KLC1: variants seen among roughly 807,000 people sequenced by gnomAD.
KLC1 encodes kinesin light chain 1.
A neutral mutation model predicts 84.2 loss-of-function variants in KLC1; 30 were observed. The ratio of observed to expected loss-of-function variants is 0.36; its 90% CI spans 0.27 to 0.48. The LOEUF (loss-of-function observed/expected upper bound fraction) is 0.48, where lower values mean the gene tolerates loss of function less well. Among genes scored for constraint, KLC1 ranks in the 20% least tolerant of loss-of-function variants. The probability of loss-of-function intolerance (pLI) is 0.99; values close to 1 mark genes in which losing one functional copy is unlikely to be tolerated. For missense variants in KLC1, 499 were observed against 805.4 expected (o/e 0.62, Z 4.60); for synonymous variants, 289 against 293.3 (o/e 0.99, Z 0.15).
At chr14:103,653,800 A>C (rs2078645509) in intron 1 of KLC1, among the ~76,000 whole-genome samples, 1 of 152,356 alleles carries the variant, frequency 6.6e-6, no homozygotes, top group Non-Finnish European at 1.5e-5. Context: ...TTTAAACTTA[A>C]CTATGGGTTT....
chr14:103,690,602 G>C lies in KLC1; in HGVS notation c.1782-1757G>C, dbSNP rs533063426. ...CTCAGCCTCACAGCCACCGTCCTTG[G>C]CTTTCCCAGGAACTGCTGCGCTCAT... On this transcript the variant is annotated intron_variant, in intron 14 of 16. Transcript: ENST00000334553. 4.7e-5 allele frequency among the ~76,000 whole-genome samples: 7 copies of C among 148,446 alleles called. No homozygotes were observed. The East Asian group carries it at 1.4e-3, about 30-fold the overall frequency.
At chr14:103,674,144 C>T (rs928759788) in intron 9 of KLC1, among the ~76,000 whole-genome samples, 2 of 152,172 alleles carry the variant, frequency 1.3e-5, no homozygotes, top group Non-Finnish European at 2.9e-5. Context: ...ACAGGAGAAT[C>T]ACCCAAATTC....
chr14:103,696,416 T>G, intron 15 of KLC1: 1 of 985,288 alleles, frequency 1.0e-6, no homozygotes, highest in Non-Finnish European at 1.2e-6. Context: ...AGGAGTATCA[T>G]GTACTTAGAA....
intron 5 of KLC1, among the ~76,000 whole-genome samples, chr14:103,666,564 CA>C (rs1425458884): frequency 6.6e-6 from 1 of 151,772 alleles, no homozygotes; most frequent in Non-Finnish European, 1.5e-5. Context: ...TCATCGTTTA[CA>C]GAAGTGTTTA....
chr14:103,685,013 A>T, intron 13 of KLC1: 1 of 1,348,506 alleles, frequency 7.4e-7, no homozygotes, highest in Non-Finnish European at 1.0e-6. Context: ...CGGGCTGGTT[A>T]ACTGACTTGC....
At chr14:103,642,506 C>T (rs777847868) in intron 1 of KLC1, among the ~76,000 whole-genome samples, 2 of 151,960 alleles carry the variant, frequency 1.3e-5, no homozygotes, top group African/African-American at 2.4e-5. Context: ...AGAAAGACTA[C>T]TGGCTCCCAG....
intron 13 of KLC1, among the ~76,000 whole-genome samples, chr14:103,684,510 G>C (rs1366728230): frequency 3.9e-5 from 6 of 152,234 alleles, no homozygotes; most frequent in Non-Finnish European, 5.9e-5. Context: ...GGCAAGTTCA[G>C]GGAAGCAGGC....
intron 1 of KLC1, among the ~76,000 whole-genome samples, chr14:103,633,903 C>CT (rs2076869623): frequency 6.6e-6 from 1 of 152,144 alleles, no homozygotes; most frequent in African/African-American, 2.4e-5. Context: ...GAGTCTCGCT[C>CT]TGTCACCCAG....
At position 103,663,484 on chromosome 14, in the gene KLC1, C is replaced by T. The variant is rs1017373077; in HGVS notation, c.797+557C>T. 2.9e-4 allele frequency among the ~76,000 whole-genome samples: 44 copies of T among 152,304 alleles called. 1 individual carries two copies. In the South Asian group the frequency reaches 2.9e-3, roughly 10 times the overall value. ...AGAATAGACCACAGTGTACCCCTAA[C>T]GCCAGCCAAACGAAGCTGTTTTGAC... On this transcript the variant is annotated intron_variant, in intron 5 of 16. Coordinates refer to ENST00000334553, the MANE Select transcript of KLC1 (RefSeq NM_001394837.1).
At chr14:103,660,422 A>G (rs555512687) in intron 3 of KLC1, among the ~76,000 whole-genome samples, 1 of 151,452 alleles carries the variant, frequency 6.6e-6, no homozygotes, top group South Asian at 2.1e-4. Context: ...TGGAGGTTGC[A>G]GTGAGCCAAG....
rs763550504 is a variant in KLC1, at chr14:103,685,675, G to T, written c.1651-1406G>T. ...GTGACTCTCACACTGTCTCCTGCATGACGGGTGGCGCCTCCCGCAGCTTCC... is the reference window on the plus strand; with the variant it reads ...GTGACTCTCACACTGTCTCCTGCATTACGGGTGGCGCCTCCCGCAGCTTCC... On this transcript the variant is annotated intron_variant, in intron 13 of 16. Transcript: ENST00000334553. The T allele has an allele frequency of 4.5e-5, 58 of 1,289,396 alleles. No individual in the cohort carries two copies. In the Admixed American group the frequency reaches 1.0e-3, roughly 23 times the overall value. The allele number at this position is 1,289,396 out of a possible 1,614,324, so 79.9% of individuals were successfully genotyped here.
intron 7 of KLC1, 36 bp from the exon 8 acceptor site, chr14:103,672,978 A>G: frequency 6.3e-7 from 1 of 1,596,250 alleles, no homozygotes; most frequent in Non-Finnish European, 8.6e-7. Flanking sequence ...ATGGAAGCAG[A>G]ACAAGTGTCT....
At chr14:103,674,595 A>G (rs1178751132) in intron 9 of KLC1, among the ~76,000 whole-genome samples, 1 of 151,834 alleles carries the variant, frequency 6.6e-6, no homozygotes, top group African/African-American at 2.4e-5. Flanking sequence ...TTGTATTTGT[A>G]GTAGAGACAG....
Position 103,693,737 on chromosome 14 carries a change from G to GA in KLC1, c.1848+1313dup, listed in dbSNP as rs1383117607. The GA allele has an allele frequency of 6.8e-7, 1 of 1,460,392 alleles. No individual in the cohort carries two copies. The highest frequency in any genetic ancestry group is 2.6e-5 in the East Asian group (1 of 39,152). 90.5% of individuals were successfully genotyped at this position (1,460,392 alleles called of 1,614,324 possible). A position where few individuals can be genotyped will look rare whatever the true frequency, so the allele number is the denominator to read the frequency against. ...TCCTTGGCTTCCTTTCCTAGATAGT[G>GA]ACGTCCACCAACCTTGGAGGTGCCT... On this transcript the variant is annotated intron_variant, in intron 15 of 16. Coordinates refer to ENST00000334553, the MANE Select transcript of KLC1 (RefSeq NM_001394837.1). The surrounding 1 kb of genome is among the most constrained non-coding windows in gnomAD (Gnocchi z 5.1).
chr14:103,692,293 G>GCTT, intron 14 of KLC1, 66 bp from the exon 15 acceptor site: 1 of 1,457,132 alleles, frequency 6.9e-7, no homozygotes, highest in Non-Finnish European at 9.3e-7. Flanking sequence ...CTTTGCTTGT[G>GCTT]CTTCCTGTTG....
chr14:103,647,262 C>A (rs2078014919), intron 1 of KLC1, among the ~76,000 whole-genome samples: 1 of 151,854 alleles, frequency 6.6e-6, no homozygotes, highest in Non-Finnish European at 1.5e-5. Context: ...GTTGCTCTGT[C>A]ACCCAGGCTG....
At position 103,654,976 on chromosome 14, in the gene KLC1, A is replaced by C. The variant is rs891329865; in HGVS notation, c.261+151A>C. The stretch of plus-strand genomic sequence containing the variant: ...GCGGTGTGGCTCAGGCCTGTAATCC[A>C]AGCACTTTGGGAGGCTGAGGCAGGT... On this transcript the variant is annotated intron_variant, in intron 2 of 16. Transcript: ENST00000334553. The C allele has an allele frequency of 7.1e-5, 61 of 856,652 alleles. No homozygotes were observed. In the African/African-American group the frequency reaches 7.7e-4, roughly 11 times the overall value. The allele number at this position is 856,652 out of a possible 1,614,324, so 53.1% of individuals were successfully genotyped here.
chr14:103,678,156 G>A (rs989686509), intron 12 of KLC1, among the ~76,000 whole-genome samples: 22 of 152,186 alleles, frequency 1.4e-4, no homozygotes, highest in Admixed American at 8.5e-4. Flanking sequence ...CCAGCTACTG[G>A]GGAGGCTGAG....
At chr14:103,699,498 A>C (rs764778351) in intron 15 of KLC1, 2 of 1,612,860 alleles carry the variant, frequency 1.2e-6, no homozygotes, top group East Asian at 4.5e-5. Flanking sequence ...GCTGCCACCG[A>C]GTCGATGACC....
Sources: allele counts gnomAD v4.1 joint callset (sites outside exome capture counted in the v4.1 genomes callset), GRCh38; gene constraint gnomAD v4.1.1; non-coding constraint Gnocchi (gnomAD v3.1); transcripts MANE v1.5; gene names NCBI Gene and HGNC (gene_info 2026-07-23, HGNC 2026-07-21).